Variants in OXCT1 observed in about 807,000 individuals in gnomAD.
OXCT1 encodes the protein succinyl-CoA:3-ketoacid coenzyme A transferase 1, mitochondrial.
Under a neutral mutation model 69.6 loss-of-function variants are expected in OXCT1, and 27 were observed. The ratio of observed to expected loss-of-function variants is 0.39; its 90% confidence interval spans 0.29 to 0.54. The LOEUF (loss-of-function observed/expected upper bound fraction) is 0.54, where lower values mean the gene tolerates loss of function less well. Among genes scored for constraint, OXCT1 ranks in the 20% least tolerant of loss-of-function variants. The pLI is 0.72. For missense variants in OXCT1, 437 were observed against 650.2 expected (o/e 0.67, Z 3.57); for synonymous variants, 202 against 217.8 (o/e 0.93, Z 0.64).
intron 3 of OXCT1, among the ~76,000 whole-genome samples, chr5:41,859,748 A>G (rs1749628063): frequency 1.3e-5 from 2 of 151,896 alleles, no homozygotes; most frequent in Admixed American, 6.6e-5. Flanking sequence ...AGGGCACAGC[A>G]GAGGGGTCAC....
chr5:41,735,039 C>T (rs2111974148), intron 16 of OXCT1, among the ~76,000 whole-genome samples: 1 of 152,190 alleles, frequency 6.6e-6, no homozygotes, highest in Non-Finnish European at 1.5e-5. Context: ...TATGGCAGTT[C>T]CACAAAAAAT....
intron 4 of OXCT1, among the ~76,000 whole-genome samples, chr5:41,852,981 G>T (rs1378118890): frequency 6.6e-6 from 1 of 151,976 alleles, no homozygotes; most frequent in Non-Finnish European, 1.5e-5. Context: ...CGAGGCAGGA[G>T]AATTGCTTGA....
chr5:41,862,585 G>GGTCCT, intron 2 of OXCT1, 57 bp downstream of exon 2: 1 of 904,412 alleles, frequency 1.1e-6, no homozygotes, highest in Non-Finnish European at 1.9e-6. Context: ...TGATTTGCCT[G>GGTCCT]CTTCATTTAA....
intron 7 of OXCT1, among the ~76,000 whole-genome samples, chr5:41,808,357 A>G (rs1382574765): frequency 6.6e-6 from 1 of 152,036 alleles, no homozygotes; most frequent in Non-Finnish European, 1.5e-5. Context: ...GGATAGTAGT[A>G]TTGATTTTTG....
chr5:41,840,456 C>T lies in OXCT1; in HGVS notation c.727G>A (p.Val243Ile). The stretch of plus-strand genomic sequence containing the variant: ...ATTCAAAAATAACCTCTTACCTCTA[C>T]CACTGTGGTTTCTGCAGCTTTGCAC... Reference protein sequence around the residue: ...PMCKAAETTVVEVEEIVDIGA... With the variant: ...PMCKAAETTVIEVEEIVDIGA... The change falls in exon 7 of 17, where the codon GTA becomes ATA. Residue 243 changes from valine to isoleucine, a missense_variant. By Grantham distance (29) the Val-to-Ile change is conservative. Around this residue, in one of 4 missense-constraint regions of OXCT1, gnomAD observed 252 missense variants for 397.4 expected, o/e 0.63. Coordinates refer to ENST00000196371, the MANE Select transcript of OXCT1 (RefSeq NM_000436.4). The T allele has an allele frequency of 6.2e-7, 1 of 1,610,390 alleles. No homozygotes were observed. Among genetic ancestry groups the T allele is most frequent in the Non-Finnish European group, 8.5e-7 (1 of 1,176,784 alleles).
intron 13 of OXCT1, among the ~76,000 whole-genome samples, chr5:41,764,048 A>G (rs932194585): frequency 2.0e-5 from 3 of 152,168 alleles, no homozygotes; most frequent in Non-Finnish European, 2.9e-5. Context: ...TTTGTTAAAA[A>G]CACTCTTGAC....
In OXCT1 at chr5:41,749,577, T is replaced by A; in HGVS notation, c.1369A>T (p.Thr457Ser). 1 of 1,609,166 alleles carries A rather than the reference T, an allele frequency of 6.2e-7. No individual in the cohort carries two copies. Among genetic ancestry groups the A allele is most frequent in the Non-Finnish European group, 8.5e-7 (1 of 1,176,300 alleles). Residue 457 changes from threonine to serine, a missense_variant, in exon 15 of 17, where the codon ACA (threonine) becomes TCA (serine). Coordinates refer to ENST00000196371, the MANE Select transcript of OXCT1 (RefSeq NM_000436.4). ...CATTGCTTTCCAGTCAATGGTAATG[T>A]ACATTTCTCCATGATTTTATGTGCA... ...GNAHKIMEKC[T>S]LPLTGKQCVN...
intron 15 of OXCT1, among the ~76,000 whole-genome samples, chr5:41,744,449 C>G (rs955098172): frequency 9.9e-5 from 15 of 152,018 alleles, no homozygotes; most frequent in Non-Finnish European, 1.9e-4. Flanking sequence ...AATTGAATAC[C>G]CTTTGTTTCC....
chr5:41,814,226 G>A (rs1225443653), intron 7 of OXCT1, among the ~76,000 whole-genome samples: 1 of 152,108 alleles, frequency 6.6e-6, no homozygotes, highest in Non-Finnish European at 1.5e-5. Flanking sequence ...GACAGAAAAT[G>A]ATCTCTACTG....
At chr5:41,798,306 A>G (rs913924846) in intron 11 of OXCT1, among the ~76,000 whole-genome samples, 11 of 152,178 alleles carry the variant, frequency 7.2e-5, no homozygotes, top group Non-Finnish European at 1.3e-4. Context: ...TGTTATCTGT[A>G]CTTTAGACTG....
intron 13 of OXCT1, among the ~76,000 whole-genome samples, chr5:41,770,599 A>G (rs770078031): frequency 1.4e-4 from 22 of 152,218 alleles, no homozygotes; most frequent in Admixed American, 1.0e-3. Context: ...TTCACTAAGC[A>G]TACAAAACTC....
chr5:41,803,142 G>A lies in OXCT1; in HGVS notation c.977C>T (p.Pro326Leu). 2.5e-6 allele frequency: 4 copies of A among 1,610,952 alleles called. No individual in the cohort carries two copies. The highest frequency in any genetic ancestry group is 3.4e-6 in the Non-Finnish European group (4 of 1,177,600). ...GMYANLGIGI[P>L]LLASNFISPN... is the part of the protein sequence containing the mutation. ...GCTGATAAAATTGCTGGCCAGGAGA[G>A]GGATTCCTATGCCCAAATTAGCTGG... Residue 326 changes from proline to leucine, a missense_variant, in exon 10 of 17, where the codon CCT becomes CTT. This residue lies in a region of OXCT1 where 252 missense variants were observed against 397.4 expected (regional missense o/e 0.63). Coordinates refer to ENST00000196371, the MANE Select transcript of OXCT1 (RefSeq NM_000436.4).
Position 41,850,015 on chromosome 5 carries a change from A to G in OXCT1, c.564+15T>C, listed in dbSNP as rs762209509. 6.2e-6 allele frequency: 10 copies of G among 1,613,446 alleles called. No homozygotes were observed. Among genetic ancestry groups the G allele is most frequent in the Non-Finnish European group, 8.5e-6 (10 of 1,179,536 alleles). On this transcript the variant is annotated intron_variant, in intron 5 of 16. Transcript: ENST00000196371. ...AGAGGGATCCTGGTATAATCTGGTT[A>G]AGAGTGTTTCTTACCTCTCTTGGCT...
intron 13 of OXCT1, among the ~76,000 whole-genome samples, chr5:41,776,424 T>A (rs1282470238): frequency 1.3e-5 from 2 of 152,242 alleles, no homozygotes; most frequent in Non-Finnish European, 2.9e-5. Context: ...CAACAAAAAA[T>A]TTATTTAAAA....
At chr5:41,861,290 A>G (rs1472717332) in intron 3 of OXCT1, 24 bp downstream of exon 3, 2 of 1,441,552 alleles carry the variant, frequency 1.4e-6, no homozygotes, top group East Asian at 2.3e-5. Context: ...TCTCCAGCCA[A>G]TTGTTTTTAA....
intron 7 of OXCT1, among the ~76,000 whole-genome samples, chr5:41,818,542 T>A (rs1335295749): frequency 1.3e-5 from 2 of 152,140 alleles, no homozygotes; most frequent in Admixed American, 1.3e-4. Context: ...ACAAGAGAGT[T>A]CACTTTAGCT....
intron 8 of OXCT1, among the ~76,000 whole-genome samples, chr5:41,806,082 C>G (rs1027322872): frequency 5.9e-5 from 9 of 152,060 alleles, no homozygotes; most frequent in Non-Finnish European, 1.0e-4. Context: ...CCAGGTGTTG[C>G]TGCTGCCAAT....
intron 13 of OXCT1, among the ~76,000 whole-genome samples, chr5:41,767,073 G>C (rs895730149): frequency 2.6e-5 from 4 of 152,056 alleles, no homozygotes; most frequent in African/African-American, 9.7e-5. Context: ...CATGCTCCTA[G>C]CTAAAGAGTA....
chr5:41,829,717 T>C (rs146067013), intron 7 of OXCT1, among the ~76,000 whole-genome samples: 1 of 152,322 alleles, frequency 6.6e-6, no homozygotes, highest in African/African-American at 2.4e-5. Flanking sequence ...TGTAAAATAA[T>C]GCAGTAAGTT....
Sources: allele counts gnomAD v4.1 joint callset (sites outside exome capture counted in the v4.1 genomes callset), GRCh38; gene constraint gnomAD v4.1.1; regional missense constraint gnomAD v4.1.1; transcripts MANE v1.5; gene names NCBI Gene and HGNC (gene_info 2026-07-23, HGNC 2026-07-21).